GAN: variants seen among roughly 807,000 people sequenced by gnomAD.
GAN encodes epididymis secretory sperm binding protein.
Under a neutral mutation model 71.3 loss-of-function variants are expected in GAN, and 48 were observed. That is an observed-to-expected ratio of 0.67 (90% CI 0.53 to 0.86). GAN has a LOEUF of 0.86. GAN is among the 40% of genes least tolerant of loss of function. The probability of loss-of-function intolerance (pLI) is 0.00; values close to 1 mark genes in which losing one functional copy is unlikely to be tolerated. For missense variants in GAN, 928 were observed against 770.1 expected, an observed-to-expected ratio of 1.21 and a Z score of -2.43; for synonymous variants, 386 against 276.8, an observed-to-expected ratio of 1.39 and a Z score of -3.92.
rs1904308168 is a variant in GAN, at chr16:81,382,072, G to T, written c.*4476G>T. The T allele has an allele frequency of 6.6e-6, 1 of 152,000 alleles. No homozygotes were observed. The highest frequency in any genetic ancestry group is 1.5e-5 in the Non-Finnish European group (1 of 68,034). 9.4% of individuals were successfully genotyped at this position (152,000 alleles called of 1,614,324 possible). A position where few individuals can be genotyped will look rare whatever the true frequency, so the allele number is the denominator to read the frequency against. On this transcript the variant is annotated 3_prime_UTR_variant, in exon 11 of 11. Coordinates refer to ENST00000648994, the MANE Select transcript of GAN (RefSeq NM_022041.4). ...GGCTTTATTGACTGCTTTTTATATGGGTGTCAAAATCTTTCCAGGACATAC... is the reference window on the plus strand; with the variant it reads ...GGCTTTATTGACTGCTTTTTATATGTGTGTCAAAATCTTTCCAGGACATAC...
intron 1 of GAN, among the ~76,000 whole-genome samples, chr16:81,342,866 T>C (rs892346900): frequency 3.2e-4 from 48 of 151,946 alleles, no homozygotes; most frequent in African/African-American, 1.2e-3. Context: ...ATCAGCAAAA[T>C]GGTTAGACTG....
intron 5 of GAN, among the ~76,000 whole-genome samples, chr16:81,359,032 G>T (rs1910583012): frequency 6.6e-6 from 1 of 152,196 alleles, no homozygotes; most frequent in South Asian, 2.1e-4. Flanking sequence ...GTACCACAGT[G>T]CATCATACAA....
At chr16:81,351,788 G>A (rs996080984) in intron 2 of GAN, 91 bp downstream of exon 2, 8 of 769,122 alleles carry the variant, frequency 1.0e-5, no homozygotes, top group South Asian at 8.2e-5. Context: ...TGACAAAGTA[G>A]CACTGTCATC....
chr16:81,359,045 G>A (rs1273686774), intron 5 of GAN, among the ~76,000 whole-genome samples: 2 of 152,142 alleles, frequency 1.3e-5, no homozygotes, highest in Non-Finnish European at 1.5e-5. Flanking sequence ...TCATACAAAT[G>A]GCCAAGGCTC....
At chr16:81,331,938 G>A (rs932978613) in intron 1 of GAN, among the ~76,000 whole-genome samples, 6 of 152,144 alleles carry the variant, frequency 3.9e-5, no homozygotes, top group East Asian at 3.9e-4. Context: ...CAAGGCGGGC[G>A]GATCACCTGA....
chr16:81,354,255 A>ATG, intron 2 of GAN, 150 bp from the exon 3 acceptor site: 1 of 623,930 alleles, frequency 1.6e-6, no homozygotes, highest in South Asian at 2.0e-5. Flanking sequence ...AAAAAAAAAA[A>ATG]ATGCTGGGTT....
chr16:81,346,313 A>T (rs922391958), intron 1 of GAN, among the ~76,000 whole-genome samples: 1 of 152,190 alleles, frequency 6.6e-6, no homozygotes, highest in Non-Finnish European at 1.5e-5. Context: ...ACTTATTAGG[A>T]CACACCCATG....
intron 1 of GAN, among the ~76,000 whole-genome samples, chr16:81,317,793 A>G (rs1909093838): frequency 1.3e-5 from 2 of 152,234 alleles, no homozygotes; most frequent in Admixed American, 6.5e-5. Flanking sequence ...TAGAATTAAA[A>G]TGTTTATCAA....
At chr16:81,334,212 A>G (rs1221087640) in intron 1 of GAN, among the ~76,000 whole-genome samples, 1 of 152,204 alleles carries the variant, frequency 6.6e-6, no homozygotes, top group Non-Finnish European at 1.5e-5. Context: ...TGATATCAAG[A>G]GGAGAATGGA....
Position 81,315,036 on chromosome 16 carries a change from G to T in GAN, c.-78G>T, listed in dbSNP as rs1908976855. ...AGAGCCGGGCCGGGCGGGCGCGCGCGCAGGACTCGGGCCGCTCGAGGGGTC... is the reference window on the plus strand; with the variant it reads ...AGAGCCGGGCCGGGCGGGCGCGCGCTCAGGACTCGGGCCGCTCGAGGGGTC... On this transcript the variant is annotated 5_prime_UTR_variant, in exon 1 of 11. Coordinates refer to ENST00000648994, the MANE Select transcript of GAN (RefSeq NM_022041.4). The T allele has an allele frequency of 8.2e-7, 1 of 1,221,798 alleles. No homozygotes were observed. Among genetic ancestry groups the T allele is most frequent in the Non-Finnish European group, 1.1e-6 (1 of 944,206 alleles). The allele number at this position is 1,221,798 out of a possible 1,614,324, so 75.7% of individuals were successfully genotyped here.
chr16:81,386,109 C>G lies in GAN; in HGVS notation c.*8513C>G, dbSNP rs542187583. The G allele has an allele frequency of 6.6e-6, 1 of 152,276 alleles. No homozygotes were observed. The highest frequency in any genetic ancestry group is 6.5e-5 in the Admixed American group (1 of 15,296). 9.4% of individuals were successfully genotyped at this position (152,276 alleles called of 1,614,324 possible). On this transcript the variant is annotated 3_prime_UTR_variant, in exon 11 of 11. Transcript: ENST00000648994. The stretch of plus-strand genomic sequence containing the variant: ...CATCTACATCTCTAGTATTTAAATT[C>G]AACACAATTCTAGATAGCTGAAACA...
chr16:81,337,008 G>T (rs1055926099), intron 1 of GAN, among the ~76,000 whole-genome samples: 5 of 151,872 alleles, frequency 3.3e-5, no homozygotes, highest in Admixed American at 6.6e-5. Context: ...TATGGGTTTG[G>T]ACAAATGTGT....
In GAN at chr16:81,323,996, GT is replaced by G. The variant is rs960330225; in HGVS notation, c.167+8723del. On this transcript the variant is annotated intron_variant, in intron 1 of 10. Transcript: ENST00000648994. ...TAAAGATTACTTTTGATTTCACTTA[GT>G]TTTTTTATAACATCCTTGTGTTATG... Among the ~76,000 whole-genome samples, 5 of 152,248 alleles carry G rather than the reference GT, an allele frequency of 3.3e-5. No homozygotes were observed. In the East Asian group the frequency reaches 9.6e-4, roughly 29 times the overall value.
chr16:81,364,513 A>G (rs1379031006), intron 7 of GAN, among the ~76,000 whole-genome samples: 3 of 151,982 alleles, frequency 2.0e-5, no homozygotes, highest in Non-Finnish European at 4.4e-5. Flanking sequence ...GCGATCCCCC[A>G]TCTCTACAAA....
chr16:81,364,350 A>G (rs972399432), intron 7 of GAN, among the ~76,000 whole-genome samples: 2 of 152,080 alleles, frequency 1.3e-5, no homozygotes, highest in Non-Finnish European at 2.9e-5. Context: ...GCTCACTGCA[A>G]CCTCTTTCTG....
At chr16:81,323,404 A>G (rs1909281297) in intron 1 of GAN, among the ~76,000 whole-genome samples, 1 of 152,160 alleles carries the variant, frequency 6.6e-6, no homozygotes, top group African/African-American at 2.4e-5. Flanking sequence ...TCCTTTATTT[A>G]TAGGCTTCTT....
At chr16:81,364,077 C>T (rs545139112) in intron 7 of GAN, 134 bp downstream of exon 7, 15 of 785,922 alleles carry the variant, frequency 1.9e-5, no homozygotes, top group East Asian at 5.0e-5. Flanking sequence ...CTCTCTTTAT[C>T]GGTAGTTTGC....
intron 5 of GAN, among the ~76,000 whole-genome samples, chr16:81,358,303 A>G (rs1037340613): frequency 5.9e-5 from 9 of 152,160 alleles, no homozygotes; most frequent in African/African-American, 1.9e-4. Flanking sequence ...TAGAATTACA[A>G]TATGTAATTA....
At chr16:81,318,621 T>C (rs1909123662) in intron 1 of GAN, among the ~76,000 whole-genome samples, 1 of 152,260 alleles carries the variant, frequency 6.6e-6, no homozygotes, top group Non-Finnish European at 1.5e-5. Context: ...TTGGCATACT[T>C]TCTACTTAAT....
Sources: allele counts gnomAD v4.1 joint callset (sites outside exome capture counted in the v4.1 genomes callset), GRCh38; gene constraint gnomAD v4.1.1; transcripts MANE v1.5; gene names NCBI Gene and HGNC (gene_info 2026-07-23, HGNC 2026-07-21).